The following GPC5 variants were observed in gnomAD, a reference collection of about 807,000 sequenced individuals.
The protein encoded by GPC5 is glypican 5.
Under a neutral mutation model 53.9 loss-of-function variants are expected in GPC5, and 47 were observed. That is an observed-to-expected ratio of 0.87 (90% CI 0.69 to 1.11). GPC5 has a LOEUF of 1.11. GPC5 is among the 50% of genes most tolerant of loss of function. The probability of loss-of-function intolerance (pLI) is 0.00; values close to 1 mark genes in which losing one functional copy is unlikely to be tolerated. For synonymous variants in GPC5, 286 were observed against 263.3 expected, an observed-to-expected ratio of 1.09 and a Z score of -0.84; for missense variants, 748 against 713.1, an observed-to-expected ratio of 1.05 and a Z score of -0.56.
chr13:91,590,348 C>A (rs1378214390), intron 2 of GPC5, among the ~76,000 whole-genome samples: 1 of 151,850 alleles, frequency 6.6e-6, no homozygotes, highest in Non-Finnish European at 1.5e-5. Flanking sequence ...AAATTATTCC[C>A]CTCAATAACA....
At chr13:92,818,868 G>T (rs1877578241) in intron 7 of GPC5, among the ~76,000 whole-genome samples, 1 of 151,916 alleles carries the variant, frequency 6.6e-6, no homozygotes, top group African/African-American at 2.4e-5. Flanking sequence ...TAACCCACTG[G>T]CAAATACAGT....
intron 7 of GPC5, among the ~76,000 whole-genome samples, chr13:92,170,232 T>C (rs867817945): frequency 3.9e-5 from 6 of 151,966 alleles, no homozygotes; most frequent in Middle Eastern, 3.4e-3. Context: ...TAATTTTGTA[T>C]AGAAAGTCTT....
intron 2 of GPC5, among the ~76,000 whole-genome samples, chr13:91,600,721 A>G (rs140612570): frequency 2.0e-5 from 3 of 152,174 alleles, no homozygotes; most frequent in East Asian, 3.9e-4. Flanking sequence ...CTTATAGCAA[A>G]CCCATTAAAA....
At chr13:92,833,067 A>G (rs1359747386) in intron 7 of GPC5, among the ~76,000 whole-genome samples, 2 of 152,168 alleles carry the variant, frequency 1.3e-5, no homozygotes, top group Non-Finnish European at 2.9e-5. Flanking sequence ...ACATCTAACA[A>G]TGAAGTAGAG....
At chr13:92,075,552 T>A (rs1200877491) in intron 6 of GPC5, among the ~76,000 whole-genome samples, 3 of 152,216 alleles carry the variant, frequency 2.0e-5, no homozygotes, top group Non-Finnish European at 2.9e-5. Flanking sequence ...AGTCTCAAGA[T>A]AAATTCTGAA....
intron 6 of GPC5, among the ~76,000 whole-genome samples, chr13:92,061,740 T>C (rs2041125850): frequency 6.6e-6 from 1 of 151,980 alleles, no homozygotes; most frequent in South Asian, 2.1e-4. Context: ...CATGAAGATA[T>C]GTTTGTTCCC....
chr13:91,680,460 A>G (rs931859426), intron 2 of GPC5, among the ~76,000 whole-genome samples: 1 of 152,100 alleles, frequency 6.6e-6, no homozygotes, highest in African/African-American at 2.4e-5. Context: ...AAACAAACAA[A>G]CAAACAAAAA....
intron 6 of GPC5, among the ~76,000 whole-genome samples, chr13:92,140,934 G>A (rs2041825966): frequency 6.6e-6 from 1 of 152,176 alleles, no homozygotes; most frequent in East Asian, 1.9e-4. Context: ...ACAAGTCAGA[G>A]CTCAATCTGT....
chr13:92,183,045 CT>C (rs1218293543), intron 7 of GPC5, among the ~76,000 whole-genome samples: 2 of 152,036 alleles, frequency 1.3e-5, no homozygotes, highest in Non-Finnish European at 2.9e-5. Context: ...CTAGTATGTA[CT>C]TTGTTTTTAT....
intron 7 of GPC5, among the ~76,000 whole-genome samples, chr13:92,388,924 G>C (rs1460044542): frequency 1.3e-5 from 2 of 152,040 alleles, no homozygotes; most frequent in Non-Finnish European, 2.9e-5. Flanking sequence ...ATGGGATAGT[G>C]CTGTTTTTGT....
chr13:92,718,127 T>C (rs942120082), intron 7 of GPC5, among the ~76,000 whole-genome samples: 4 of 152,156 alleles, frequency 2.6e-5, no homozygotes, highest in Non-Finnish European at 5.9e-5. Context: ...ACAGCTACTA[T>C]GGAAAACAGT....
At position 92,467,030 on chromosome 13, in the gene GPC5, G is replaced by A. The variant is rs116888405; in HGVS notation, c.1561+322041G>A. Reference sequence around the variant, plus strand: ...AGGCTGTCCTTCCTAATAAAAGCTGGAGAAACGAGGCCTCCATTTCCCAAA... The same window carrying A: ...AGGCTGTCCTTCCTAATAAAAGCTGAAGAAACGAGGCCTCCATTTCCCAAA... On this transcript the variant is annotated intron_variant, in intron 7 of 7. Transcript: ENST00000377067. 3.8e-4 allele frequency among the ~76,000 whole-genome samples: 58 copies of A among 152,204 alleles called. No homozygotes were observed. In the East Asian group the frequency reaches 0.01, roughly 26 times the overall value.
At chr13:92,460,396 C>T (rs2139409086) in intron 7 of GPC5, among the ~76,000 whole-genome samples, 1 of 152,282 alleles carries the variant, frequency 6.6e-6, no homozygotes, top group South Asian at 2.1e-4. Flanking sequence ...CAGTAGAGGA[C>T]TCTATCAGCA....
chr13:91,421,847 C>T (rs1878657122), intron 1 of GPC5, among the ~76,000 whole-genome samples: 2 of 152,270 alleles, frequency 1.3e-5, no homozygotes, highest in African/African-American at 2.4e-5. Flanking sequence ...TAAAGTGCTC[C>T]ATATATTGGA....
At chr13:91,782,636 G>A (rs2037816321) in intron 5 of GPC5, among the ~76,000 whole-genome samples, 1 of 152,134 alleles carries the variant, frequency 6.6e-6, no homozygotes, top group African/African-American at 2.4e-5. Flanking sequence ...TGGGGACACA[G>A]AGCCAAACCA....
intron 6 of GPC5, among the ~76,000 whole-genome samples, chr13:92,051,997 A>T (rs932041563): frequency 6.6e-6 from 1 of 152,196 alleles, no homozygotes; most frequent in Non-Finnish European, 1.5e-5. Flanking sequence ...ATCAATTTTG[A>T]AATATATTCC....
chr13:92,723,954 G>GT (rs1888570241), intron 7 of GPC5, among the ~76,000 whole-genome samples: 1 of 151,486 alleles, frequency 6.6e-6, no homozygotes, highest in African/African-American at 2.4e-5. Flanking sequence ...TAATTGAACT[G>GT]TTTTTTGCGT....
At chr13:92,606,892 T>A (rs1214118996) in intron 7 of GPC5, among the ~76,000 whole-genome samples, 1 of 152,232 alleles carries the variant, frequency 6.6e-6, no homozygotes, top group Non-Finnish European at 1.5e-5. Flanking sequence ...AAATACTTTA[T>A]AAGCAATTAC....
At chr13:91,650,614 GT>G (rs2034675998) in intron 2 of GPC5, among the ~76,000 whole-genome samples, 2 of 152,098 alleles carry the variant, frequency 1.3e-5, no homozygotes, top group East Asian at 3.9e-4. Context: ...AAGAAACTTA[GT>G]TTTCAACCTT....
Sources: gnomAD v4.1 joint callset for allele counts (sites outside exome capture counted in the v4.1 genomes callset) on GRCh38, gnomAD v4.1.1 for gene constraint, MANE v1.5 for transcripts, NCBI Gene and HGNC (gene_info 2026-07-23, HGNC 2026-07-21) for gene names.